The following AGO2 variants were observed in gnomAD, a reference collection of about 807,000 sequenced individuals.
The protein encoded by AGO2 is protein argonaute-2.
In AGO2, 5 loss-of-function variants were observed where a neutral mutation model predicts 102.3. The observed-to-expected ratio is 0.05, with a 90% CI of 0.03 to 0.10. AGO2 has a LOEUF of 0.10. Among genes scored for constraint, AGO2 ranks in the 10% least tolerant of loss-of-function variants. The pLI is 1.00. For synonymous variants in AGO2, 449 were observed against 473.1 expected (o/e 0.95, Z 0.66); for missense variants, 541 against 1,183.7 (o/e 0.46, Z 7.97).
rs1164007670 is a variant in AGO2, at chr8:140,540,753, C to A, written c.2034+411G>T. On this transcript the variant is annotated intron_variant, in intron 15 of 18. Transcript: ENST00000220592. This position sits in a 1 kb window ranked among gnomAD's most constrained non-coding sequence, Gnocchi z 5.0. ...TCCTTCTGGCCCTGCCTCCACACCTCTCACACTGCAGACAGGCGTCCCCAG... is the reference window on the plus strand; with the variant it reads ...TCCTTCTGGCCCTGCCTCCACACCTATCACACTGCAGACAGGCGTCCCCAG... 1.3e-5 allele frequency among the ~76,000 whole-genome samples: 2 copies of A among 152,200 alleles called. No homozygotes were observed. Among genetic ancestry groups the A allele is most frequent in the African/African-American group, 2.4e-5 (1 of 41,466 alleles).
chr8:140,597,437 C>T (rs2073861317), intron 1 of AGO2, among the ~76,000 whole-genome samples: 1 of 147,442 alleles, frequency 6.8e-6, no homozygotes, highest in Non-Finnish European at 1.5e-5. Context: ...TTTCTGGCAG[C>T]AGCCACGGAC....
Position 140,557,146 on chromosome 8 carries a change from G to C in AGO2, c.969C>G (p.Pro323=), listed in dbSNP as rs1410104342. The change falls in exon 8 of 19, where the codon CCC becomes CCG. Residue 323 remains proline, a synonymous_variant. Coordinates refer to ENST00000220592, the MANE Select transcript of AGO2 (RefSeq NM_012154.5). The surrounding 1 kb of genome is among the most constrained non-coding windows in gnomAD (Gnocchi z 5.9). ...KDRHKLVLRY[P]HLPCLQVGQE... is the part of the protein sequence containing the mutation. ...GTCCGACTTGTAAACATGGGAGGTG[G>C]GGGTAGCGCAGAACCAACTTGTGCC... 1.2e-6 allele frequency: 2 copies of C among 1,614,146 alleles called. No homozygotes were observed. The highest frequency in any genetic ancestry group is 2.2e-5 in the East Asian group (1 of 44,884).
intron 1 of AGO2, among the ~76,000 whole-genome samples, chr8:140,616,929 C>A (rs1007148080): frequency 1.3e-5 from 2 of 152,216 alleles, no homozygotes; most frequent in African/African-American, 4.8e-5. Flanking sequence ...GTGTTTTCAC[C>A]AGGCAGCCTG....
chr8:140,525,438 C>A lies in AGO2; in HGVS notation c.*6606G>T, dbSNP rs866686166. ...GCAGGCAGTGGGACACCCACGGGGG[C>A]CCAAGCCTCTTGAGGTCGGTCCGCA... On this transcript the variant is annotated 3_prime_UTR_variant, in exon 19 of 19. Transcript: ENST00000220592. 1 of 152,300 alleles carries A rather than the reference C, an allele frequency of 6.6e-6. No individual in the cohort carries two copies. The allele number at this position is 152,300 out of a possible 1,614,324, so 9.4% of individuals were successfully genotyped here.
rs4058201 is a variant in AGO2, at chr8:140,568,287, G to GAAAAA, written c.336+4520_336+4524dup. Among the ~76,000 whole-genome samples, 14 of 132,074 alleles carry GAAAAA rather than the reference G, an allele frequency of 1.1e-4. 1 individual carries two copies. The highest frequency in any genetic ancestry group is 2.4e-4 in the African/African-American group (8 of 32,800). The allele number at this position is 132,074 out of a possible 152,430, so 86.6% of individuals were successfully genotyped here. On this transcript the variant is annotated intron_variant, in intron 3 of 18. Coordinates refer to ENST00000220592, the MANE Select transcript of AGO2 (RefSeq NM_012154.5). ...TGACAGAGCGAGACCATGTCTGGGG[G>GAAAAA]AAAAAAAAAAAAAGAGAGAGCACAA...
intron 18 of AGO2, 96 bp downstream of exon 18, chr8:140,532,320 C>A (rs950960282): frequency 1.4e-6 from 2 of 1,476,912 alleles, no homozygotes; most frequent in African/African-American, 2.8e-5. Context: ...GCTCCAGCCG[C>A]TGGGGCCCTG....
At chr8:140,553,933 C>G (rs964792434) in intron 10 of AGO2, among the ~76,000 whole-genome samples, 1 of 152,166 alleles carries the variant, frequency 6.6e-6, no homozygotes, top group African/African-American at 2.4e-5. Flanking sequence ...AACTCCTGAC[C>G]TCAGGTGATC....
At chr8:140,562,702 G>C in intron 3 of AGO2, 68 bp from the exon 4 acceptor site, 1 of 1,550,516 alleles carries the variant, frequency 6.4e-7, no homozygotes. Flanking sequence ...CAGCCTGGCA[G>C]TGGTTGGCTT....
chr8:140,603,672 G>C (rs925177232), intron 1 of AGO2, among the ~76,000 whole-genome samples: 21 of 152,234 alleles, frequency 1.4e-4, no homozygotes, highest in African/African-American at 5.1e-4. Flanking sequence ...CTGTCCTTGA[G>C]GCTCATCCGC....
intron 1 of AGO2, among the ~76,000 whole-genome samples, chr8:140,593,739 C>T (rs1282879102): frequency 6.6e-6 from 1 of 152,052 alleles, no homozygotes; most frequent in Non-Finnish European, 1.5e-5. Flanking sequence ...CAAATCAGCT[C>T]CTTTAATCCT....
intron 1 of AGO2, among the ~76,000 whole-genome samples, chr8:140,586,737 G>A (rs1202964602): frequency 9.2e-5 from 14 of 152,154 alleles, no homozygotes; most frequent in Admixed American, 3.9e-4. Context: ...ACGCCACACC[G>A]GAGTAGAACA....
chr8:140,584,011 G>A (rs1246717901), intron 2 of AGO2, among the ~76,000 whole-genome samples: 3 of 152,110 alleles, frequency 2.0e-5, no homozygotes, highest in African/African-American at 4.8e-5. Context: ...ACGTTGTCAT[G>A]CGGTACATGA....
chr8:140,577,068 C>T (rs1418519750), intron 2 of AGO2, among the ~76,000 whole-genome samples: 1 of 151,906 alleles, frequency 6.6e-6, no homozygotes, highest in Non-Finnish European at 1.5e-5. Context: ...ATTAGCTGGA[C>T]GTGGTGGCGG....
At position 140,527,038 on chromosome 8, in the gene AGO2, C is replaced by T. The variant is rs748119847; in HGVS notation, c.*5006G>A. On this transcript the variant is annotated 3_prime_UTR_variant, in exon 19 of 19. Coordinates refer to ENST00000220592, the MANE Select transcript of AGO2 (RefSeq NM_012154.5). The surrounding 1 kb of genome is among the most constrained non-coding windows in gnomAD (Gnocchi z 6.0). ...AGCAGGCGGAGCAGATGCCTCCCGTCTGGACTGTCCCAGGCTGGGTGGAAC... is the reference window on the plus strand; with the variant it reads ...AGCAGGCGGAGCAGATGCCTCCCGTTTGGACTGTCCCAGGCTGGGTGGAAC... The T allele has an allele frequency of 6.6e-6, 1 of 152,094 alleles. No individual in the cohort carries two copies. Among genetic ancestry groups the T allele is most frequent in the Admixed American group, 6.5e-5 (1 of 15,280 alleles). 9.4% of individuals were successfully genotyped at this position (152,094 alleles called of 1,614,324 possible). A position where few individuals can be genotyped will look rare whatever the true frequency, so the allele number is the denominator to read the frequency against.
chr8:140,537,768 G>C (rs1447756660), intron 16 of AGO2, among the ~76,000 whole-genome samples: 2 of 151,930 alleles, frequency 1.3e-5, no homozygotes, highest in African/African-American at 4.8e-5. Flanking sequence ...GTACATTCAA[G>C]CTCATTAGTT....
At position 140,557,185 on chromosome 8, in the gene AGO2, C is replaced by G; in HGVS notation, c.930G>C (p.Gln310His). The G allele has an allele frequency of 6.2e-7, 1 of 1,614,136 alleles. No individual in the cohort carries two copies. Among genetic ancestry groups the G allele is most frequent in the Non-Finnish European group, 8.5e-7 (1 of 1,180,028 alleles). Residue 310 changes from glutamine to histidine, a missense_variant, in exon 8 of 19, where the codon CAG (glutamine) becomes CAC (histidine). Physicochemically the swap from Gln to His is conservative, Grantham distance 24. Coordinates refer to ENST00000220592, the MANE Select transcript of AGO2 (RefSeq NM_012154.5). The surrounding 1 kb of genome is among the most constrained non-coding windows in gnomAD (Gnocchi z 5.9). ...CCAACTTGTGCCTGTCCTTGAAATA[C>G]TGGGCCACCGTGCACTCCACCGTCT... Reference protein sequence around the residue: ...SGQTVECTVAQYFKDRHKLVL... With the variant: ...SGQTVECTVAHYFKDRHKLVL...
At chr8:140,607,771 G>A (rs59510807) in intron 1 of AGO2, among the ~76,000 whole-genome samples, 3 of 151,948 alleles carry the variant, frequency 2.0e-5, no homozygotes, top group African/African-American at 7.2e-5. Context: ...TGGCTGCCAG[G>A]GGGTGGGAGG....
At chr8:140,535,611 G>T in intron 16 of AGO2, 42 bp from the exon 17 acceptor site, 1 of 1,603,854 alleles carries the variant, frequency 6.2e-7, no homozygotes, top group Non-Finnish European at 8.5e-7. Flanking sequence ...GCCAGGGACC[G>T]GCAGAGCCAA....
intron 1 of AGO2, among the ~76,000 whole-genome samples, chr8:140,630,673 G>T (rs2074331276): frequency 1.3e-5 from 2 of 152,138 alleles, no homozygotes. Flanking sequence ...CCAACACTGG[G>T]GAGAAAAGAA....
Sources: allele counts gnomAD v4.1 joint callset (sites outside exome capture counted in the v4.1 genomes callset), GRCh38; gene constraint gnomAD v4.1.1; non-coding constraint Gnocchi (gnomAD v3.1); transcripts MANE v1.5; gene names NCBI Gene and HGNC (gene_info 2026-07-23, HGNC 2026-07-21).